AGAP1: variants seen among roughly 807,000 people sequenced by gnomAD.
The protein encoded by AGAP1 is ArfGAP with GTPase domain, ankyrin repeat and PH domain 1.
Under a neutral mutation model 105.3 loss-of-function variants are expected in AGAP1, and 29 were observed. The ratio of observed to expected loss-of-function variants is 0.28; its 90% confidence interval spans 0.21 to 0.38. AGAP1 has a LOEUF of 0.38. AGAP1 is among the 10% of genes least tolerant of loss of function. The probability of loss-of-function intolerance (pLI) is 1.00; values close to 1 mark genes in which losing one functional copy is unlikely to be tolerated. For synonymous variants in AGAP1, 509 were observed against 485.9 expected (o/e 1.05, Z -0.63); for missense variants, 998 against 1,165.1 (o/e 0.86, Z 2.09).
chr2:235,577,684 G>GT lies in AGAP1; in HGVS notation c.163+82836dup. Among the ~76,000 whole-genome samples the GT allele has an allele frequency of 6.6e-6, 1 of 152,152 alleles. No homozygotes were observed. Among genetic ancestry groups the GT allele is most frequent in the Non-Finnish European group, 1.5e-5 (1 of 68,040 alleles). ...ATTCGGAACATTCGCCGAGTGGAAC[G>GT]TGTGTGTCGTCATCCCCTCGAAGGC... On this transcript the variant is annotated intron_variant, in intron 1 of 17. Coordinates refer to ENST00000304032, the MANE Select transcript of AGAP1 (RefSeq NM_001037131.3). The surrounding 1 kb of genome is among the most constrained non-coding windows in gnomAD (Gnocchi z 4.5).
chr2:235,656,272 G>T (rs1947767714), intron 1 of AGAP1, among the ~76,000 whole-genome samples: 1 of 152,160 alleles, frequency 6.6e-6, no homozygotes, highest in Non-Finnish European at 1.5e-5. Context: ...TTGTTTTAAG[G>T]CTACGTTCAG....
chr2:235,518,645 G>T (rs1942493394), intron 1 of AGAP1, among the ~76,000 whole-genome samples: 4 of 152,206 alleles, frequency 2.6e-5, no homozygotes, highest in African/African-American at 9.6e-5. Context: ...CAAAGAGAAA[G>T]GAGAGTGACA....
At position 236,119,715 on chromosome 2, in the gene AGAP1, A is replaced by G. The variant is rs1162270679; in HGVS notation, c.2115-477A>G. ...TCTCGGCCCCGGAGACCGTGCTTCC[A>G]TCGTGCTGGTCCCAGGCAGTAGGGT... On this transcript the variant is annotated intron_variant, in intron 16 of 17. Transcript: ENST00000304032. This position sits in a 1 kb window ranked among gnomAD's most constrained non-coding sequence, Gnocchi z 6.6. Among the ~76,000 whole-genome samples, 1 of 151,888 alleles carries G rather than the reference A, an allele frequency of 6.6e-6. No homozygotes were observed. The highest frequency in any genetic ancestry group is 1.5e-5 in the Non-Finnish European group (1 of 67,962).
chr2:235,827,603 G>A (rs1206361503), intron 9 of AGAP1, among the ~76,000 whole-genome samples: 1 of 152,196 alleles, frequency 6.6e-6, no homozygotes, highest in Admixed American at 6.5e-5. Flanking sequence ...GCCCTTGGAA[G>A]GAAGGGGAGA....
intron 1 of AGAP1, among the ~76,000 whole-genome samples, chr2:235,508,603 G>A (rs1034259247): frequency 1.9e-4 from 29 of 152,160 alleles, no homozygotes; most frequent in Admixed American, 1.8e-3. Context: ...CAAGCTGACT[G>A]CCTGCGATTA....
At chr2:236,059,031 T>G (rs1194903809) in intron 16 of AGAP1, among the ~76,000 whole-genome samples, 1 of 151,894 alleles carries the variant, frequency 6.6e-6, no homozygotes, top group Non-Finnish European at 1.5e-5. Context: ...CTCTGACTCT[T>G]AAAAAATCAA....
At position 235,807,363 on chromosome 2, in the gene AGAP1, C is replaced by T. The variant is rs200947329; in HGVS notation, c.1050+32C>T. 97 of 1,552,852 alleles carry T rather than the reference C, an allele frequency of 6.2e-5. No homozygotes were observed. In the East Asian group the frequency reaches 8.5e-4, roughly 14 times the overall value. On this transcript the variant is annotated intron_variant, in intron 9 of 17. Transcript: ENST00000304032. ...AGCCTCCCCATCCTTCCCTCCCTGT[C>T]GCCGGAGATACACCTCAGGTCTTCC... is the stretch of plus-strand genomic sequence containing the variant.
In AGAP1 at chr2:235,623,032, G is replaced by A. The variant is rs544727879; in HGVS notation, c.164-86147G>A. Among the ~76,000 whole-genome samples the A allele has an allele frequency of 6.6e-6, 1 of 152,286 alleles. No homozygotes were observed. Among genetic ancestry groups the A allele is most frequent in the African/African-American group, 2.4e-5 (1 of 41,562 alleles). ...AGTTTATTCTGGATTGAGAAAAGTGGAAGAGGTTAGAAGCTAACTTGGACA... is the reference window on the plus strand; with the variant it reads ...AGTTTATTCTGGATTGAGAAAAGTGAAAGAGGTTAGAAGCTAACTTGGACA... On this transcript the variant is annotated intron_variant, in intron 1 of 17. Transcript: ENST00000304032. The surrounding 1 kb of genome is among the most constrained non-coding windows in gnomAD (Gnocchi z 4.5).
chr2:235,725,772 T>C lies in AGAP1; in HGVS notation c.310+8128T>C, dbSNP rs1333452478. Among the ~76,000 whole-genome samples, 2 of 152,224 alleles carry C rather than the reference T, an allele frequency of 1.3e-5. No individual in the cohort carries two copies. The highest frequency in any genetic ancestry group is 4.8e-5 in the African/African-American group (2 of 41,466). On this transcript the variant is annotated intron_variant, in intron 3 of 17. Coordinates refer to ENST00000304032, the MANE Select transcript of AGAP1 (RefSeq NM_001037131.3). This position sits in a 1 kb window ranked among gnomAD's most constrained non-coding sequence, Gnocchi z 5.7. ...CTGATCACTCACCATGGAAATACCA[T>C]TCCCCTTTGTTCTTGTCTTCCTATG...
rs561484789 is a variant in AGAP1 at position 236,081,619 on chromosome 2, T to C, written c.2114+32338T>C. On this transcript the variant is annotated intron_variant, in intron 16 of 17. Coordinates refer to ENST00000304032, the MANE Select transcript of AGAP1 (RefSeq NM_001037131.3). ...CTTAAAACAACTTACAGTGAAAATA[T>C]GTGGATGGTTGAAAAAGTAATGTTT... Among the ~76,000 whole-genome samples, 470 of 151,708 alleles carry C rather than the reference T, an allele frequency of 3.1e-3. 2 individuals carry two copies. The highest frequency in any genetic ancestry group is 3.9e-3 in the Non-Finnish European group (268 of 67,968).
At chr2:235,507,663 G>A (rs1235569026) in intron 1 of AGAP1, 1 of 152,186 alleles carries the variant, frequency 6.6e-6, no homozygotes, top group Non-Finnish European at 1.5e-5. Context: ...GACAGAGGTG[G>A]TAGGACCCTC....
At chr2:235,910,472 T>G (rs1172371200) in intron 11 of AGAP1, among the ~76,000 whole-genome samples, 1 of 152,160 alleles carries the variant, frequency 6.6e-6, no homozygotes, top group African/African-American at 2.4e-5. Context: ...TTCCAAGACA[T>G]CCGTGAGATT....
chr2:235,508,267 A>G (rs988463863), intron 1 of AGAP1, among the ~76,000 whole-genome samples: 3 of 152,322 alleles, frequency 2.0e-5, no homozygotes, highest in Non-Finnish European at 2.9e-5. Context: ...GTGTCTTTAT[A>G]TAGACACAAT....
At position 235,620,584 on chromosome 2, in the gene AGAP1, C is replaced by T. The variant is rs760127719; in HGVS notation, c.164-88595C>T. On this transcript the variant is annotated intron_variant, in intron 1 of 17. Transcript: ENST00000304032. The surrounding 1 kb of genome is among the most constrained non-coding windows in gnomAD (Gnocchi z 4.5). ...CACCTCCAGTGTCATTGAGGACCCT[C>T]CGTGGCACCTGGCCTTCCTCCCAGC... Among the ~76,000 whole-genome samples the T allele has an allele frequency of 6.6e-6, 1 of 152,206 alleles. No homozygotes were observed. The highest frequency in any genetic ancestry group is 1.5e-5 in the Non-Finnish European group (1 of 68,038).
chr2:235,605,563 C>G (rs1945902516), intron 1 of AGAP1, among the ~76,000 whole-genome samples: 1 of 152,180 alleles, frequency 6.6e-6, no homozygotes, highest in African/African-American at 2.4e-5. Flanking sequence ...ACGTGTGGGT[C>G]CCTAACGGCT....
intron 13 of AGAP1, among the ~76,000 whole-genome samples, chr2:236,007,066 A>G (rs991589334): frequency 9.0e-6 from 1 of 111,532 alleles, no homozygotes; most frequent in African/African-American, 3.6e-5. Flanking sequence ...TATGGGAGGA[A>G]ATCTGTGAGT....
At chr2:236,024,491 C>A (rs757909713) in intron 13 of AGAP1, among the ~76,000 whole-genome samples, 15 of 152,150 alleles carry the variant, frequency 9.9e-5, no homozygotes, top group Non-Finnish European at 1.6e-4. Context: ...CCTCCCCTCG[C>A]ACCCACTTCT....
At chr2:235,780,057 C>T (rs1457297771) in intron 6 of AGAP1, among the ~76,000 whole-genome samples, 2 of 152,192 alleles carry the variant, frequency 1.3e-5, no homozygotes, top group East Asian at 3.8e-4. Context: ...GATGGTATCA[C>T]CACGTTAGCC....
In AGAP1 at chr2:235,842,790, C is replaced by T. The variant is rs1454157796; in HGVS notation, c.1050+35459C>T. On this transcript the variant is annotated intron_variant, in intron 9 of 17. Coordinates refer to ENST00000304032, the MANE Select transcript of AGAP1 (RefSeq NM_001037131.3). This position sits in a 1 kb window ranked among gnomAD's most constrained non-coding sequence, Gnocchi z 5.3. Reference sequence around the variant, plus strand: ...TCACCCAGGCCCGAGTGCAGTGGCACGGTCTTGGTTCACTGCAACCTCTGC... The same window carrying T: ...TCACCCAGGCCCGAGTGCAGTGGCATGGTCTTGGTTCACTGCAACCTCTGC... 3.9e-5 allele frequency among the ~76,000 whole-genome samples: 6 copies of T among 152,102 alleles called. No homozygotes were observed. Among genetic ancestry groups the T allele is most frequent in the Admixed American group, 1.3e-4 (2 of 15,280 alleles).
Sources: gnomAD v4.1 joint callset for allele counts (sites outside exome capture counted in the v4.1 genomes callset) on GRCh38, gnomAD v4.1.1 for gene constraint, Gnocchi (gnomAD v3.1) non-coding constraint, MANE v1.5 for transcripts, NCBI Gene and HGNC (gene_info 2026-07-23, HGNC 2026-07-21) for gene names.